Variants in BRWD1 observed in about 807,000 individuals in gnomAD.
The protein encoded by BRWD1 is bromodomain and WD repeat-containing protein 1.
BRWD1 carries 82 observed loss-of-function variants against 251.2 expected under a neutral mutation model. That is an observed-to-expected ratio of 0.33 (90% CI 0.27 to 0.39). BRWD1 has a LOEUF of 0.39. Among genes scored for constraint, BRWD1 ranks in the 10% least tolerant of loss-of-function variants. The pLI, the probability that BRWD1 is intolerant of heterozygous loss-of-function variation, is 1.00. For missense variants in BRWD1, 2,233 were observed against 2,711.6 expected (o/e 0.82, Z 3.92); for synonymous variants, 918 against 902.8 (o/e 1.02, Z -0.30).
intron 6 of BRWD1, 55 bp downstream of exon 6, chr21:39,296,210 G>A: frequency 7.1e-7 from 1 of 1,398,660 alleles, no homozygotes; most frequent in Non-Finnish European, 9.7e-7. Flanking sequence ...TATAAAGGTT[G>A]TTGAGAAATT....
chr21:39,258,898 A>G (rs1466375645), intron 17 of BRWD1, among the ~76,000 whole-genome samples: 2 of 152,206 alleles, frequency 1.3e-5, no homozygotes, highest in Non-Finnish European at 2.9e-5. Context: ...ACCTGAAAGC[A>G]GCCTCTGAAA....
downstream of BRWD1, chr21:39,185,315 A>C (rs937267722): frequency 1.3e-5 from 2 of 150,146 alleles, no homozygotes; most frequent in Admixed American, 1.3e-4. Flanking sequence ...AAAAAAAAAA[A>C]AAAAAAACTT....
rs910752551 is a variant in BRWD1 at position 39,264,111 on chromosome 21, A to T, written c.1885+349T>A. ...ACTTTCGTATTTCGTATGTGGTCCC[A>T]AATAAAAATTGGGAGAATTTTAGAA... On this transcript the variant is annotated intron_variant, in intron 17 of 40. Transcript: ENST00000342449. Among the ~76,000 whole-genome samples the T allele has an allele frequency of 4.6e-5, 7 of 152,300 alleles. No homozygotes were observed. The South Asian group carries it at 1.0e-3, about 23-fold the overall frequency.
chr21:39,244,438 TAA>T (rs3067394), intron 21 of BRWD1, among the ~76,000 whole-genome samples: 37,993 of 152,098 alleles, frequency 0.25, 5,742 homozygotes, highest in Non-Finnish European at 0.35. Context: ...TCCTCATTTT[TAA>T]AAGAGATTAT....
intron 7 of BRWD1, among the ~76,000 whole-genome samples, 190 bp from the exon 8 acceptor site, chr21:39,294,222 G>C (rs1035021936): frequency 6.6e-6 from 1 of 152,158 alleles, no homozygotes; most frequent in Non-Finnish European, 1.5e-5. Flanking sequence ...TTAAGGCAAA[G>C]ACAGTCTACA....
At chr21:39,238,999 G>A (rs765113323) in intron 21 of BRWD1, among the ~76,000 whole-genome samples, 1 of 152,110 alleles carries the variant, frequency 6.6e-6, no homozygotes, top group Non-Finnish European at 1.5e-5. Context: ...TTGGTGAGGT[G>A]TCTGTTAGAT....
intron 13 of BRWD1, among the ~76,000 whole-genome samples, chr21:39,272,301 T>TAAAAAAAA (rs746781112): frequency 9.6e-6 from 1 of 104,602 alleles, no homozygotes; most frequent in Non-Finnish European, 2.1e-5. Context: ...CCCTAAAACT[T>TAAAAAAAA]AAATAAATAA....
At chr21:39,210,191 C>A in intron 35 of BRWD1, 44 bp from the exon 36 acceptor site, 1 of 1,485,846 alleles carries the variant, frequency 6.7e-7, no homozygotes, top group Non-Finnish European at 9.2e-7. Context: ...TCATTTCTTG[C>A]TTTTAGAAAT....
At chr21:39,205,300 C>A (rs1363409348) in intron 37 of BRWD1, among the ~76,000 whole-genome samples, 1 of 151,844 alleles carries the variant, frequency 6.6e-6, no homozygotes, top group Non-Finnish European at 1.5e-5. Context: ...AGCAAGACCC[C>A]ATCTATACAA....
intron 36 of BRWD1, among the ~76,000 whole-genome samples, chr21:39,208,811 T>G (rs1416950051): frequency 1.3e-5 from 2 of 152,146 alleles, no homozygotes; most frequent in African/African-American, 4.8e-5. Flanking sequence ...TCAAGTGATC[T>G]GCCTACCTTG....
chr21:39,191,407 T>C lies in BRWD1; in HGVS notation c.*4852A>G. On this transcript the variant is annotated 3_prime_UTR_variant, in exon 41 of 41. Transcript: ENST00000342449. ...TTTGGCTTGGAGTAGTGTTTTGTTT[T>C]GTTTTTTAACTCTTTTGCTTGTTAA... 1 of 985,386 alleles carries C rather than the reference T, an allele frequency of 1.0e-6. No individual in the cohort carries two copies. The highest frequency in any genetic ancestry group is 1.2e-6 in the Non-Finnish European group (1 of 829,908). The allele number at this position is 985,386 out of a possible 1,614,324, so 61.0% of individuals were successfully genotyped here. A position where few individuals can be genotyped will look rare whatever the true frequency, so the allele number is the denominator to read the frequency against.
intron 4 of BRWD1, among the ~76,000 whole-genome samples, chr21:39,309,838 AAAAAAAGACACCCAGGGAAC>A (rs2036417673): frequency 6.6e-6 from 1 of 151,276 alleles, no homozygotes; most frequent in Non-Finnish European, 1.5e-5. Flanking sequence ...AAAAAAAAAA[AAAAAAAGACACCCAGGGAAC>A]AAAAAGAAAA....
At chr21:39,210,294 G>A in intron 35 of BRWD1, 147 bp from the exon 36 acceptor site, 30 of 647,540 alleles carry the variant, frequency 4.6e-5, no homozygotes, top group South Asian at 7.9e-5. Context: ...TTTAAAAAGA[G>A]GTATAAAAAC....
chr21:39,217,137 C>A (rs1284996455), intron 31 of BRWD1: 1 of 141,710 alleles, frequency 7.1e-6, no homozygotes, highest in Non-Finnish European at 1.5e-5. Context: ...ACTCCACCAC[C>A]CAGGATGGAG....
rs766805350 is a variant in BRWD1 at position 39,258,602 on chromosome 21, C to G, written c.1956G>C (p.Ser652=). The G allele has an allele frequency of 6.2e-7, 1 of 1,612,980 alleles. No individual in the cohort carries two copies. The highest frequency in any genetic ancestry group is 8.5e-7 in the Non-Finnish European group (1 of 1,179,480). ...TNDNDERSPE[S]SILDGMIRQL... ...GTCTTATCATTCCATCAAGAATACT[C>G]GATTCTGGGCTGCGTTCATCATTAT... The change falls in exon 18 of 41, where the codon TCG becomes TCC. Residue 652 remains serine, a synonymous_variant. Transcript: ENST00000342449.
At chr21:39,288,287 A>T (rs1029387936) in intron 8 of BRWD1, among the ~76,000 whole-genome samples, 1 of 152,192 alleles carries the variant, frequency 6.6e-6, no homozygotes, top group Non-Finnish European at 1.5e-5. Flanking sequence ...GAAACACTGA[A>T]AGTCACATTA....
At chr21:39,293,090 G>T (rs551653452) in intron 8 of BRWD1, among the ~76,000 whole-genome samples, 1 of 152,192 alleles carries the variant, frequency 6.6e-6, no homozygotes, top group African/African-American at 2.4e-5. Context: ...AGTTAGGAAA[G>T]AATTGGCCAT....
intron 3 of BRWD1, 53 bp from the exon 4 acceptor site, chr21:39,312,953 C>CGGGGGAA (rs2036549127): frequency 4.1e-6 from 1 of 245,436 alleles, no homozygotes; most frequent in Non-Finnish European, 4.9e-6. Flanking sequence ...GCGGGGGGGG[C>CGGGGGAA]GGGGGGCGGG....
In BRWD1 at chr21:39,191,668, A is replaced by C. The variant is rs1377054852; in HGVS notation, c.*4591T>G. 7 of 984,452 alleles carry C rather than the reference A, an allele frequency of 7.1e-6. No individual in the cohort carries two copies. Among genetic ancestry groups the C allele is most frequent in the Non-Finnish European group, 8.4e-6 (7 of 829,282 alleles). The allele number at this position is 984,452 out of a possible 1,614,324, so 61.0% of individuals were successfully genotyped here. On this transcript the variant is annotated 3_prime_UTR_variant, in exon 41 of 41. Transcript: ENST00000342449. ...ATATCAAAAATTAAAGATCCCTTTA[A>C]CTTTTACCCACTGATCAAAAAAGGT...
Sources: gnomAD v4.1 joint callset for allele counts (sites outside exome capture counted in the v4.1 genomes callset) on GRCh38, gnomAD v4.1.1 for gene constraint, MANE v1.5 for transcripts, NCBI Gene and HGNC (gene_info 2026-07-23, HGNC 2026-07-21) for gene names.